Variants in ABHD6 observed in about 807,000 individuals in gnomAD.
ABHD6 encodes the protein abhydrolase domain containing 6, acylglycerol lipase.
Under a neutral mutation model 38.8 loss-of-function variants are expected in ABHD6, and 33 were observed. That is an observed-to-expected ratio of 0.85 (90% CI 0.64 to 1.14). The LOEUF (loss-of-function observed/expected upper bound fraction) is 1.14. ABHD6 is among the 50% of genes most tolerant of loss of function. The pLI is 0.00. For missense variants in ABHD6, 380 were observed against 422.6 expected, an observed-to-expected ratio of 0.90 and a Z score of 0.88; for synonymous variants, 147 against 161.6, an observed-to-expected ratio of 0.91 and a Z score of 0.69.
intron 1 of ABHD6, among the ~76,000 whole-genome samples, chr3:58,247,380 C>T (rs1340290404): frequency 6.6e-6 from 1 of 152,040 alleles, no homozygotes; most frequent in East Asian, 1.9e-4. Context: ...TTCTGCTGTC[C>T]AATATGATAA....
rs1186846499 is a variant in ABHD6 at position 58,293,613 on chromosome 3, A to G, written c.862A>G (p.Met288Val). ...DQVLDVSGAD[M>V]LAKSIANCQV... ...GGTGCTGGATGTGTCTGGGGCAGAC[A>G]TGTTGGCCAAGTCAATTGCCAACTG... The change falls in exon 10 of 10, where the codon ATG (methionine) becomes GTG (valine). Residue 288 changes from methionine (M) to valine (V), a missense_variant. By Grantham distance (21) the Met-to-Val change is conservative. Transcript: ENST00000478253. The surrounding 1 kb of genome is among the most constrained non-coding windows in gnomAD (Gnocchi z 4.4). The G allele has an allele frequency of 6.2e-7, 1 of 1,614,186 alleles. No homozygotes were observed. The highest frequency in any genetic ancestry group is 8.5e-7 in the Non-Finnish European group (1 of 1,180,026).
chr3:58,289,428 T>G (rs1441512003), intron 9 of ABHD6, among the ~76,000 whole-genome samples: 1 of 149,712 alleles, frequency 6.7e-6, no homozygotes, highest in Non-Finnish European at 1.5e-5. Context: ...TAGGGAGTGG[T>G]GATGACTCTT....
chr3:58,263,755 G>A lies in ABHD6; in HGVS notation c.120-3434G>A, dbSNP rs1433070577. Among the ~76,000 whole-genome samples, 4 of 152,114 alleles carry A rather than the reference G, an allele frequency of 2.6e-5. No individual in the cohort carries two copies. Among genetic ancestry groups the A allele is most frequent in the African/African-American group, 9.7e-5 (4 of 41,422 alleles). ...CTTCCATGATCTCACACTGTACTTT[G>A]TATGAGAGTTATAGAGAATTTGATG... On this transcript the variant is annotated intron_variant, in intron 3 of 9. Transcript: ENST00000478253. The surrounding 1 kb of genome is among the most constrained non-coding windows in gnomAD (Gnocchi z 4.9).
intron 9 of ABHD6, among the ~76,000 whole-genome samples, chr3:58,286,139 C>A (rs9826898): frequency 0.52 from 78,383 of 151,636 alleles, 21,730 homozygotes; most frequent in African/African-American, 0.73. Context: ...CCTGCCTCAG[C>A]CTCTCAAGTA....
intron 9 of ABHD6, among the ~76,000 whole-genome samples, chr3:58,290,902 G>A (rs2097462166): frequency 1.3e-5 from 2 of 151,188 alleles, no homozygotes; most frequent in South Asian, 4.2e-4. Flanking sequence ...AGACTGGGCA[G>A]CCAGGCAGAG....
intron 1 of ABHD6, among the ~76,000 whole-genome samples, chr3:58,240,451 C>G (rs1450236732): frequency 6.6e-6 from 1 of 151,430 alleles, no homozygotes; most frequent in African/African-American, 2.4e-5. Flanking sequence ...GATGAGTGTT[C>G]AAAAGAAAAG....
rs61099164 is a variant in ABHD6 at position 58,264,387 on chromosome 3, G to GCACACACA, written c.120-2751_120-2744dup. The stretch of plus-strand genomic sequence containing the variant: ...GAACTTTATAACTGGTTATATAAAC[G>GCACACACA]CACACACACACACACACACACACAC... On this transcript the variant is annotated intron_variant, in intron 3 of 9. Transcript: ENST00000478253. 3.4e-3 allele frequency among the ~76,000 whole-genome samples: 447 copies of GCACACACA among 132,280 alleles called. 10 individuals are homozygous for GCACACACA. The highest frequency in any genetic ancestry group is 7.9e-3 in the Middle Eastern group (2 of 254). 86.8% of individuals were successfully genotyped at this position (132,280 alleles called of 152,430 possible). A position where few individuals can be genotyped will look rare whatever the true frequency, so the allele number is the denominator to read the frequency against.
chr3:58,275,562 C>T (rs1405535835), intron 7 of ABHD6, among the ~76,000 whole-genome samples: 3 of 151,904 alleles, frequency 2.0e-5, no homozygotes, highest in African/African-American at 4.8e-5. Context: ...CTCCTGACCC[C>T]GTGATCCGTC....
rs1235603195 is a variant in ABHD6, at chr3:58,286,852, G to GTATATATATATATATATATATA, written c.837+1416_837+1417insATATATATATATATATATATAT. Among the ~76,000 whole-genome samples the GTATATATATATATATATATATA allele has an allele frequency of 1.9e-3, 133 of 70,578 alleles. 2 individuals carry two copies. Among genetic ancestry groups the GTATATATATATATATATATATA allele is most frequent in the Admixed American group, 3.3e-3 (19 of 5,770 alleles). 46.3% of individuals were successfully genotyped at this position (70,578 alleles called of 152,430 possible). On this transcript the variant is annotated intron_variant, in intron 9 of 9. Coordinates refer to ENST00000478253, the MANE Select transcript of ABHD6 (RefSeq NM_001320126.2). ...TGTGTGTGTGTGTGTGTGTGTGTGT[G>GTATATATATATATATATATATA]TATATATATATATATATGTATATGT...
At chr3:58,292,841 G>T (rs1033971128) in intron 9 of ABHD6, among the ~76,000 whole-genome samples, 4 of 152,168 alleles carry the variant, frequency 2.6e-5, no homozygotes, top group African/African-American at 4.8e-5. Flanking sequence ...ACTTGAACCT[G>T]GGAGGCGGAG....
intron 1 of ABHD6, among the ~76,000 whole-genome samples, chr3:58,239,127 C>G (rs754617404): frequency 2.6e-5 from 4 of 152,176 alleles, no homozygotes; most frequent in Admixed American, 1.3e-4. Flanking sequence ...AACCGCCCCC[C>G]CAACCCGACC....
rs1222662529 is a variant in ABHD6 at position 58,285,398 on chromosome 3, A to G, written c.782A>G (p.Gln261Arg). 4.3e-6 allele frequency: 7 copies of G among 1,614,054 alleles called. No individual in the cohort carries two copies. In the Admixed American group the frequency reaches 6.7e-5, roughly 15 times the overall value. ...GAGAAGTCCAGATACTCTCTCCATC[A>G]GAACATGGACAAGATCAAGGTTCCG... Reference protein sequence around the residue: ...VSEKSRYSLHQNMDKIKVPTQ... With the variant: ...VSEKSRYSLHRNMDKIKVPTQ... Residue 261 changes from glutamine (Q) to arginine (R), a missense_variant, in exon 9 of 10, where the codon CAG becomes CGG. Gln to Arg is a conservative substitution (Grantham distance 43, BLOSUM62 1). Coordinates refer to ENST00000478253, the MANE Select transcript of ABHD6 (RefSeq NM_001320126.2). This position sits in a 1 kb window ranked among gnomAD's most constrained non-coding sequence, Gnocchi z 4.9.
chr3:58,275,274 G>A (rs532907759), intron 7 of ABHD6, among the ~76,000 whole-genome samples: 1 of 151,290 alleles, frequency 6.6e-6, no homozygotes, highest in Non-Finnish European at 1.5e-5. Flanking sequence ...AGGGAGGCAG[G>A]GGCTAAATCA....
chr3:58,241,372 A>G (rs199550833), intron 1 of ABHD6, among the ~76,000 whole-genome samples: 1 of 152,046 alleles, frequency 6.6e-6, no homozygotes, highest in Non-Finnish European at 1.5e-5. Flanking sequence ...CTGTGGCTGG[A>G]TGGGTTTGGG....
chr3:58,284,074 A>T (rs1414971851), intron 7 of ABHD6, among the ~76,000 whole-genome samples: 1 of 152,182 alleles, frequency 6.6e-6, no homozygotes, highest in East Asian at 1.9e-4. Flanking sequence ...AGAGGAGTAG[A>T]GGAGTACAGC....
Position 58,270,963 on chromosome 3 carries a change from C to T in ABHD6, c.422C>T (p.Pro141Leu). 6.2e-7 allele frequency: 1 copy of T among 1,610,276 alleles called. No individual in the cohort carries two copies. The highest frequency in any genetic ancestry group is 8.5e-7 in the Non-Finnish European group (1 of 1,178,972). ...GAATGCCTGAAGCTGAACAAAAAAC[C>T]TTTCCACCTGGTAGGCACCTCCATG... ...FVECLKLNKKPFHLVGTSMGG... is the reference protein window; with the variant it reads ...FVECLKLNKKLFHLVGTSMGG... The change falls in exon 6 of 10, where the codon CCT (proline) becomes CTT (leucine). Residue 141 changes from proline to leucine, a missense_variant. Coordinates refer to ENST00000478253, the MANE Select transcript of ABHD6 (RefSeq NM_001320126.2).
chr3:58,258,920 G>A (rs1040456179), intron 3 of ABHD6, among the ~76,000 whole-genome samples: 2 of 152,192 alleles, frequency 1.3e-5, no homozygotes, highest in African/African-American at 4.8e-5. Context: ...GACTCACTCT[G>A]AAGCTGAAAT....
chr3:58,254,400 T>C (rs956562122), intron 2 of ABHD6, among the ~76,000 whole-genome samples: 4 of 152,226 alleles, frequency 2.6e-5, no homozygotes, highest in South Asian at 2.1e-4. Context: ...TCTCATCCAG[T>C]GGCAGACTGA....
rs144733869 is a variant in ABHD6, at chr3:58,269,350, C to T, written c.306C>T (p.Cys102=). ...TTCCAAAGAACCTGCACTTGGTCTG[C>T]GTGGACATGCCAGGACATGAGGGCA... ...KFLPKNLHLV[C]VDMPGHEGTT... is the part of the protein sequence containing the mutation. Residue 102 remains cysteine (C), a synonymous_variant, in exon 5 of 10, where the codon TGC becomes TGT. Coordinates refer to ENST00000478253, the MANE Select transcript of ABHD6 (RefSeq NM_001320126.2). This position sits in a 1 kb window ranked among gnomAD's most constrained non-coding sequence, Gnocchi z 4.4. 6.6e-5 allele frequency: 106 copies of T among 1,613,858 alleles called. No individual in the cohort carries two copies. The African/African-American group carries it at 1.1e-3, about 16-fold the overall frequency.
Sources: allele counts gnomAD v4.1 joint callset (sites outside exome capture counted in the v4.1 genomes callset), GRCh38; gene constraint gnomAD v4.1.1; non-coding constraint Gnocchi (gnomAD v3.1); transcripts MANE v1.5; gene names NCBI Gene and HGNC (gene_info 2026-07-23, HGNC 2026-07-21).